The following AUTS2 variants were observed in gnomAD, a reference collection of about 807,000 sequenced individuals.
AUTS2 encodes the protein activator of transcription and developmental regulator AUTS2.
Under a neutral mutation model 112.4 loss-of-function variants are expected in AUTS2, and 17 were observed. The ratio of observed to expected loss-of-function variants is 0.15; its 90% confidence interval spans 0.10 to 0.23. AUTS2 has a LOEUF of 0.23. Ranked by LOEUF, AUTS2 falls within the 10% of genes least tolerant of loss-of-function variation. The pLI, the probability that AUTS2 is intolerant of heterozygous loss-of-function variation, is 1.00. For synonymous variants in AUTS2, 751 were observed against 702.7 expected (o/e 1.07, Z -1.09); for missense variants, 1,510 against 1,701.6 (o/e 0.89, Z 1.98).
In AUTS2 at chr7:70,528,110, T is replaced by TA. The variant is rs1484228027; in HGVS notation, c.690+92329_690+92330insA. On this transcript the variant is annotated intron_variant, in intron 5 of 18. Transcript: ENST00000342771. ...ATTTAAGGATTTTTTTTTTTTTTTT[T>TA]TTTTTTTTTACTGGAGTGTTACACA... Among the ~76,000 whole-genome samples the TA allele has an allele frequency of 1.1e-3, 169 of 149,790 alleles. 4 individuals are homozygous for TA. The highest frequency in any genetic ancestry group is 3.4e-3 in the Middle Eastern group (1 of 294).
chr7:69,741,510 G>A (rs1200197160), intron 1 of AUTS2, among the ~76,000 whole-genome samples: 4 of 152,104 alleles, frequency 2.6e-5, no homozygotes, highest in Non-Finnish European at 1.5e-5. Flanking sequence ...TTCGAGACCA[G>A]CCTGGGCAAT....
intron 1 of AUTS2, among the ~76,000 whole-genome samples, chr7:69,894,154 A>AT (rs1456639362): frequency 6.6e-6 from 1 of 150,626 alleles, no homozygotes; most frequent in Non-Finnish European, 1.5e-5. Context: ...ATATGTCTAA[A>AT]TCTTTTTGCC....
At chr7:70,476,538 T>C (rs923542711) in intron 5 of AUTS2, among the ~76,000 whole-genome samples, 7 of 152,176 alleles carry the variant, frequency 4.6e-5, no homozygotes, top group Non-Finnish European at 8.8e-5. Flanking sequence ...ATTAGACATA[T>C]CACATGCCTG....
At position 69,598,620 on chromosome 7, in the gene AUTS2, G is replaced by C. The variant is rs1399740745; in HGVS notation, c.-1034G>C. 1.1e-5 allele frequency: 2 copies of C among 174,402 alleles called. No homozygotes were observed. Among genetic ancestry groups the C allele is most frequent in the African/African-American group, 4.9e-5 (2 of 41,040 alleles). The allele number at this position is 174,402 out of a possible 1,614,324, so 10.8% of individuals were successfully genotyped here. A position where few individuals can be genotyped will look rare whatever the true frequency, so the allele number is the denominator to read the frequency against. On this transcript the variant is annotated 5_prime_UTR_variant, in exon 1 of 19. Coordinates refer to ENST00000342771, the MANE Select transcript of AUTS2 (RefSeq NM_015570.4). ...CCCGGCTGCGCTTCTCCCTCAGGCG[G>C]GGCGGCGAGAGAAGCGGCGGCGGCG...
chr7:70,671,044 C>A (rs576322396), intron 5 of AUTS2, among the ~76,000 whole-genome samples: 2 of 152,166 alleles, frequency 1.3e-5, no homozygotes, highest in African/African-American at 4.8e-5. Context: ...TGGTGGCGCA[C>A]GCCTGTGATC....
At chr7:70,431,526 C>T (rs1475588222) in intron 4 of AUTS2, among the ~76,000 whole-genome samples, 2 of 152,176 alleles carry the variant, frequency 1.3e-5, no homozygotes, top group Admixed American at 1.3e-4. Context: ...TCTGGGATTA[C>T]AGGCGCGTGC....
intron 2 of AUTS2, among the ~76,000 whole-genome samples, chr7:69,996,707 A>G (rs1165370374): frequency 1.3e-5 from 2 of 152,156 alleles, no homozygotes; most frequent in Admixed American, 1.3e-4. Context: ...AAAAGTTGTA[A>G]AAACTTCAAA....
chr7:69,862,749 T>TG (rs982252938), intron 1 of AUTS2, among the ~76,000 whole-genome samples: 6 of 152,202 alleles, frequency 3.9e-5, no homozygotes, highest in African/African-American at 1.2e-4. Flanking sequence ...ACAACCCATG[T>TG]GACCAGTTAC....
chr7:70,027,805 A>G (rs1800587992), intron 2 of AUTS2, among the ~76,000 whole-genome samples: 5 of 152,194 alleles, frequency 3.3e-5, no homozygotes, highest in Admixed American at 3.3e-4. Flanking sequence ...GATCGACCTC[A>G]GGGAAATATG....
chr7:70,419,009 A>G (rs1415500903), intron 4 of AUTS2, among the ~76,000 whole-genome samples: 3 of 152,104 alleles, frequency 2.0e-5, no homozygotes, highest in Admixed American at 6.5e-5. Context: ...GGTAGTTACT[A>G]TCACCCCCGT....
intron 1 of AUTS2, among the ~76,000 whole-genome samples, chr7:69,870,911 C>T (rs984674236): frequency 6.6e-6 from 1 of 152,134 alleles, no homozygotes; most frequent in African/African-American, 2.4e-5. Flanking sequence ...TTCTGTTGTG[C>T]AATGCCAGTT....
chr7:70,019,828 G>T (rs1343425089), intron 2 of AUTS2, among the ~76,000 whole-genome samples: 1 of 152,078 alleles, frequency 6.6e-6, no homozygotes, highest in Non-Finnish European at 1.5e-5. Context: ...AAAAATTTTC[G>T]TATGTGATTT....
At chr7:70,486,839 G>C (rs530883191) in intron 5 of AUTS2, among the ~76,000 whole-genome samples, 2,275 of 151,778 alleles carry the variant, frequency 0.015, 61 homozygotes, top group African/African-American at 0.051. Context: ...TGCTGGTGGT[G>C]GTGGTGGTAG....
At chr7:69,628,592 A>G (rs894189862) in intron 1 of AUTS2, among the ~76,000 whole-genome samples, 9 of 152,210 alleles carry the variant, frequency 5.9e-5, no homozygotes, top group Admixed American at 5.2e-4. Flanking sequence ...TACAGGAAGC[A>G]TGGCTGGGGA....
intron 2 of AUTS2, among the ~76,000 whole-genome samples, chr7:69,901,846 C>G (rs918798340): frequency 6.6e-6 from 1 of 152,136 alleles, no homozygotes; most frequent in African/African-American, 2.4e-5. Flanking sequence ...ATTATGAAAT[C>G]CCAAACAAGT....
intron 2 of AUTS2, among the ~76,000 whole-genome samples, chr7:70,008,374 G>A (rs1281589175): frequency 2.0e-5 from 3 of 151,844 alleles, no homozygotes; most frequent in Non-Finnish European, 4.4e-5. Context: ...AATACTTTTT[G>A]TTTTTGTTTT....
At chr7:70,776,687 A>G (rs966334989) in intron 13 of AUTS2, 5 of 257,626 alleles carry the variant, frequency 1.9e-5, no homozygotes, top group South Asian at 4.4e-5. Flanking sequence ...GATTTGACTC[A>G]CAGACATTCA....
intron 2 of AUTS2, among the ~76,000 whole-genome samples, chr7:70,007,523 C>T (rs560109343): frequency 6.6e-6 from 1 of 152,228 alleles, no homozygotes; most frequent in East Asian, 1.9e-4. Context: ...ATGATAATGG[C>T]ATAACCTAAA....
intron 1 of AUTS2, among the ~76,000 whole-genome samples, chr7:69,645,221 ATTC>A: frequency 6.6e-6 from 1 of 152,170 alleles, no homozygotes; most frequent in South Asian, 2.1e-4. Flanking sequence ...AGAGTCTTGA[ATTC>A]TTCAACAGGG....
Sources: allele counts gnomAD v4.1 joint callset (sites outside exome capture counted in the v4.1 genomes callset), GRCh38; gene constraint gnomAD v4.1.1; transcripts MANE v1.5; gene names NCBI Gene and HGNC (gene_info 2026-07-23, HGNC 2026-07-21).